Variants in PKNOX2 observed in about 807,000 individuals in gnomAD.
PKNOX2 encodes the protein PBX/knotted 1 homeobox 2.
In PKNOX2, 14 loss-of-function variants were observed where a neutral mutation model predicts 53.1. The ratio of observed to expected loss-of-function variants is 0.26; its 90% confidence interval spans 0.17 to 0.41. The LOEUF is 0.41. Ranked by LOEUF, PKNOX2 falls within the 10% of genes least tolerant of loss-of-function variation. The pLI is 1.00. For missense variants in PKNOX2, 496 were observed against 602.8 expected, an observed-to-expected ratio of 0.82 and a Z score of 1.85; for synonymous variants, 257 against 242.8, an observed-to-expected ratio of 1.06 and a Z score of -0.54.
intron 1 of PKNOX2, among the ~76,000 whole-genome samples, chr11:125,206,651 G>T (rs1469378747): frequency 6.6e-6 from 1 of 152,040 alleles, no homozygotes; most frequent in African/African-American, 2.4e-5. Context: ...GTCATCTCTT[G>T]GTGCCTCAAT....
intron 1 of PKNOX2, among the ~76,000 whole-genome samples, chr11:125,230,177 C>T (rs1263468223): frequency 6.6e-6 from 1 of 152,204 alleles, no homozygotes; most frequent in Non-Finnish European, 1.5e-5. Context: ...AATTAGCATC[C>T]AGGCCCAGTG....
chr11:125,305,033 G>A (rs946457723), intron 2 of PKNOX2, among the ~76,000 whole-genome samples: 6 of 152,162 alleles, frequency 3.9e-5, no homozygotes, highest in Admixed American at 6.5e-5. Flanking sequence ...CAAGTTCTCC[G>A]AGCTAGTAAG....
At chr11:125,250,472 G>C (rs185844959) in intron 2 of PKNOX2, among the ~76,000 whole-genome samples, 2 of 152,124 alleles carry the variant, frequency 1.3e-5, no homozygotes. Context: ...GCTCCGGTGC[G>C]CACAGCCTTT....
At chr11:125,220,865 C>T (rs1490459503) in intron 1 of PKNOX2, among the ~76,000 whole-genome samples, 3 of 152,308 alleles carry the variant, frequency 2.0e-5, no homozygotes, top group Middle Eastern at 3.4e-3. Flanking sequence ...TGGGTCAGTA[C>T]GTCCCAGGGA....
At chr11:125,249,415 A>C (rs1357802249) in intron 2 of PKNOX2, among the ~76,000 whole-genome samples, 3 of 152,218 alleles carry the variant, frequency 2.0e-5, no homozygotes. Flanking sequence ...CCACGAATTC[A>C]ATCAACAGCA....
At chr11:125,264,817 C>T (rs144025318) in intron 2 of PKNOX2, among the ~76,000 whole-genome samples, 253 of 152,192 alleles carry the variant, frequency 1.7e-3, no homozygotes, top group African/African-American at 5.4e-3. Flanking sequence ...GTGGGGGACT[C>T]GAGAAGGCGG....
chr11:125,308,387 T>C (rs1231475353), intron 2 of PKNOX2, among the ~76,000 whole-genome samples: 1 of 152,198 alleles, frequency 6.6e-6, no homozygotes, highest in East Asian at 1.9e-4. Context: ...TGCTCAGTCC[T>C]GCTCATGCTC....
rs928166220 is a variant in PKNOX2, at chr11:125,420,193, A to G, written c.936+8328A>G. ...CAGAGTAAGACCCTGTTCCCTCCCCACCACATTTCCCCCAAAAAAGCTGAG... is the reference window on the plus strand; with the variant it reads ...CAGAGTAAGACCCTGTTCCCTCCCCGCCACATTTCCCCCAAAAAAGCTGAG... On this transcript the variant is annotated intron_variant, in intron 10 of 12. Coordinates refer to ENST00000298282, the MANE Select transcript of PKNOX2 (RefSeq NM_001382323.2). Among the ~76,000 whole-genome samples the G allele has an allele frequency of 1.2e-4, 17 of 145,342 alleles. No individual in the cohort carries two copies. In the East Asian group the frequency reaches 3.1e-3, roughly 26 times the overall value.
At chr11:125,426,729 CTG>C (rs1956448469) in intron 10 of PKNOX2, among the ~76,000 whole-genome samples, 1 of 152,220 alleles carries the variant, frequency 6.6e-6, no homozygotes, top group Non-Finnish European at 1.5e-5. Flanking sequence ...TGTCTGCACA[CTG>C]TGCCTGGTCT....
intron 10 of PKNOX2, among the ~76,000 whole-genome samples, chr11:125,417,139 T>A (rs1033977029): frequency 6.6e-6 from 1 of 152,026 alleles, no homozygotes; most frequent in Admixed American, 6.5e-5. Context: ...CGAGAGCCCA[T>A]GGCAGAGAGT....
chr11:125,230,177 C>G (rs1263468223), intron 1 of PKNOX2, among the ~76,000 whole-genome samples: 1 of 152,204 alleles, frequency 6.6e-6, no homozygotes, highest in Non-Finnish European at 1.5e-5. Context: ...AATTAGCATC[C>G]AGGCCCAGTG....
At position 125,423,043 on chromosome 11, in the gene PKNOX2, T is replaced by TACACAC. The variant is rs56327999; in HGVS notation, c.937-5955_937-5950dup. Among the ~76,000 whole-genome samples the TACACAC allele has an allele frequency of 4.8e-4, 72 of 150,172 alleles. No individual in the cohort carries two copies. The South Asian group carries it at 7.8e-3, about 16-fold the overall frequency. The stretch of plus-strand genomic sequence containing the variant: ...ATTTACTGATACTGATCAGTTTAGC[T>TACACAC]ACACACACACACACACACATATGTA... On this transcript the variant is annotated intron_variant, in intron 10 of 12. Transcript: ENST00000298282.
chr11:125,217,010 C>A (rs558515788), intron 1 of PKNOX2, among the ~76,000 whole-genome samples: 1 of 77,838 alleles, frequency 1.3e-5, no homozygotes, highest in East Asian at 1.4e-3. Context: ...CCCCTCAAAA[C>A]ACACACACAC....
At chr11:125,303,592 C>T (rs771100597) in intron 2 of PKNOX2, among the ~76,000 whole-genome samples, 4 of 152,176 alleles carry the variant, frequency 2.6e-5, no homozygotes, top group Non-Finnish European at 5.9e-5. Context: ...CAAGGTTCCC[C>T]GGCTCCATGA....
chr11:125,352,144 C>A lies in PKNOX2; in HGVS notation c.87+752C>A, dbSNP rs892855056. On this transcript the variant is annotated intron_variant, in intron 4 of 12. Coordinates refer to ENST00000298282, the MANE Select transcript of PKNOX2 (RefSeq NM_001382323.2). This position sits in a 1 kb window ranked among gnomAD's most constrained non-coding sequence, Gnocchi z 4.1. ...TGCCCTCCTACATCCTTTAGACCAG[C>A]CGCTTTTCCTTTTTGCTTCCCCCAG... Among the ~76,000 whole-genome samples, 3 of 152,198 alleles carry A rather than the reference C, an allele frequency of 2.0e-5. No homozygotes were observed. The highest frequency in any genetic ancestry group is 4.4e-5 in the Non-Finnish European group (3 of 68,046).
At chr11:125,347,156 C>T (rs890952398) in intron 3 of PKNOX2, among the ~76,000 whole-genome samples, 5 of 152,104 alleles carry the variant, frequency 3.3e-5, no homozygotes, top group East Asian at 3.9e-4. Context: ...GCCATGGGCC[C>T]CGTCTCCAGT....
intron 1 of PKNOX2, among the ~76,000 whole-genome samples, chr11:125,224,952 T>C (rs978077503): frequency 6.6e-6 from 1 of 152,146 alleles, no homozygotes; most frequent in Non-Finnish European, 1.5e-5. Flanking sequence ...TGGAGTGGGG[T>C]CCATCTCCCT....
intron 2 of PKNOX2, chr11:125,287,937 G>T (rs538053281): frequency 6.6e-6 from 1 of 152,160 alleles, no homozygotes; most frequent in Non-Finnish European, 1.5e-5. Context: ...GGCTTGAAAG[G>T]CCCCTGCTGA....
chr11:125,317,767 A>G (rs549561015), intron 2 of PKNOX2, among the ~76,000 whole-genome samples: 50 of 152,350 alleles, frequency 3.3e-4, no homozygotes, highest in African/African-American at 8.7e-4. Context: ...TTGGAATGGT[A>G]AATGAGCCCT....
Sources: gnomAD v4.1 joint callset for allele counts (sites outside exome capture counted in the v4.1 genomes callset) on GRCh38, gnomAD v4.1.1 for gene constraint, Gnocchi (gnomAD v3.1) non-coding constraint, MANE v1.5 for transcripts, NCBI Gene and HGNC (gene_info 2026-07-23, HGNC 2026-07-21) for gene names.